The following RGS7BP variants were observed in gnomAD, a reference collection of about 807,000 sequenced individuals.
The protein encoded by RGS7BP is regulator of G protein signaling 7 binding protein.
Under a neutral mutation model 31.3 loss-of-function variants are expected in RGS7BP, and 9 were observed. The observed-to-expected ratio is 0.29, with a 90% CI of 0.17 to 0.50. The LOEUF (loss-of-function observed/expected upper bound fraction) is 0.50. RGS7BP is among the 20% of genes least tolerant of loss of function. The probability of loss-of-function intolerance (pLI) is 0.98; values close to 1 mark genes in which losing one functional copy is unlikely to be tolerated. For missense variants in RGS7BP, 274 were observed against 322.0 expected (o/e 0.85, Z 1.14); for synonymous variants, 115 against 120.1 (o/e 0.96, Z 0.28).
chr5:64,555,790 T>G (rs977032139), intron 2 of RGS7BP, among the ~76,000 whole-genome samples: 6 of 152,258 alleles, frequency 3.9e-5, no homozygotes, highest in African/African-American at 1.4e-4. Context: ...TTTAAAAACA[T>G]TCAGTTCTGG....
intron 2 of RGS7BP, among the ~76,000 whole-genome samples, chr5:64,542,076 C>G (rs192952757): frequency 1.4e-3 from 214 of 152,322 alleles, no homozygotes; most frequent in African/African-American, 4.9e-3. Context: ...TATCCTCTCT[C>G]TGTCTGTTCT....
chr5:64,574,631 C>T (rs1742375443), intron 2 of RGS7BP, among the ~76,000 whole-genome samples: 1 of 152,058 alleles, frequency 6.6e-6, no homozygotes, highest in South Asian at 2.1e-4. Flanking sequence ...TTATATAAGC[C>T]ATATGGTTAG....
Position 64,608,191 on chromosome 5 carries a change from G to T in RGS7BP, c.683-970G>T, listed in dbSNP as rs148233411. Among the ~76,000 whole-genome samples, 8 of 152,132 alleles carry T rather than the reference G, an allele frequency of 5.3e-5. No individual in the cohort carries two copies. The South Asian group carries it at 8.3e-4, about 16-fold the overall frequency. On this transcript the variant is annotated intron_variant, in intron 5 of 5. Transcript: ENST00000334025. ...CTGACCATGTCATAACACTGCCCCA[G>T]TTGGAAAATTCTAGATTATCCCCTC...
At chr5:64,515,733 C>T (rs915319986) in intron 2 of RGS7BP, among the ~76,000 whole-genome samples, 2 of 151,764 alleles carry the variant, frequency 1.3e-5, no homozygotes, top group East Asian at 3.8e-4. Flanking sequence ...CACACACACA[C>T]ATATAATGCA....
intron 2 of RGS7BP, 40 bp from the exon 3 acceptor site, chr5:64,575,719 CTGATGAGTGAAATCT>C (rs1742402056): frequency 3.2e-6 from 5 of 1,552,806 alleles, no homozygotes; most frequent in African/African-American, 2.8e-5. Flanking sequence ...AGACAAATGG[CTGATGAGTGAAATCT>C]TGAGAATGTT....
At chr5:64,511,671 C>T (rs920172834) in intron 2 of RGS7BP, among the ~76,000 whole-genome samples, 1 of 152,108 alleles carries the variant, frequency 6.6e-6, no homozygotes, top group Non-Finnish European at 1.5e-5. Context: ...GGCTCCATGG[C>T]ACTTTATATT....
intron 2 of RGS7BP, among the ~76,000 whole-genome samples, chr5:64,530,187 C>G (rs1320943690): frequency 6.6e-6 from 1 of 152,184 alleles, no homozygotes; most frequent in Non-Finnish European, 1.5e-5. Flanking sequence ...AACTTATCTA[C>G]TCATCTTTAC....
intron 2 of RGS7BP, among the ~76,000 whole-genome samples, chr5:64,545,362 T>C (rs1351734726): frequency 1.3e-5 from 2 of 151,560 alleles, no homozygotes; most frequent in African/African-American, 2.4e-5. Flanking sequence ...ATGTATAATA[T>C]GTAACAAACC....
At position 64,609,313 on chromosome 5, in the gene RGS7BP, TC is replaced by T; in HGVS notation, c.*63del. On this transcript the variant is annotated 3_prime_UTR_variant, in exon 6 of 6. Coordinates refer to ENST00000334025, the MANE Select transcript of RGS7BP (RefSeq NM_001029875.3). ...AAAAAAATCACAAAACCCGAGGACC[TC>T]CAGACAGCTGAACCACACAGTTATT... 1 of 914,718 alleles carries T rather than the reference TC, an allele frequency of 1.1e-6. No individual in the cohort carries two copies. Among genetic ancestry groups the T allele is most frequent in the African/African-American group, 1.6e-5 (1 of 61,560 alleles). 56.7% of individuals were successfully genotyped at this position (914,718 alleles called of 1,614,324 possible).
chr5:64,506,742 T>A lies in RGS7BP; in HGVS notation c.118T>A (p.Ser40Thr). 6.2e-7 allele frequency: 1 copy of A among 1,604,110 alleles called. No individual in the cohort carries two copies. The highest frequency in any genetic ancestry group is 8.5e-7 in the Non-Finnish European group (1 of 1,173,018). ...SGDWERRGSG[S>T]ESAHKTQRAL... ...AGATTGGGAGCGCAGGGGCAGCGGC[T>A]CCGAGAGCGCCCACAAAACCCAACG... Residue 40 changes from serine (S) to threonine (T), a missense_variant, in exon 1 of 6, where the codon TCC becomes ACC. Coordinates refer to ENST00000334025, the MANE Select transcript of RGS7BP (RefSeq NM_001029875.3). This position sits in a 1 kb window ranked among gnomAD's most constrained non-coding sequence, Gnocchi z 4.6.
intron 2 of RGS7BP, among the ~76,000 whole-genome samples, chr5:64,568,093 CAT>C (rs993453974): frequency 1.9e-4 from 29 of 151,620 alleles, no homozygotes; most frequent in Non-Finnish European, 2.9e-4. Context: ...TTTTAAAATA[CAT>C]ATATATATCT....
At chr5:64,522,022 G>A (rs1273363455) in intron 2 of RGS7BP, among the ~76,000 whole-genome samples, 1 of 152,188 alleles carries the variant, frequency 6.6e-6, no homozygotes, top group Non-Finnish European at 1.5e-5. Flanking sequence ...TTGGTGTTGT[G>A]ATAATCCTTA....
intron 2 of RGS7BP, among the ~76,000 whole-genome samples, chr5:64,574,241 G>A (rs1189659794): frequency 6.6e-6 from 1 of 152,000 alleles, no homozygotes; most frequent in African/African-American, 2.4e-5. Flanking sequence ...GACTGTGAAA[G>A]CTGAAGACGA....
intron 2 of RGS7BP, among the ~76,000 whole-genome samples, chr5:64,552,461 C>T (rs1268380145): frequency 6.6e-6 from 1 of 152,090 alleles, no homozygotes; most frequent in Non-Finnish European, 1.5e-5. Context: ...AGGGAATACT[C>T]TTTTCTTTTT....
chr5:64,546,497 A>G lies in RGS7BP; in HGVS notation c.333-29277A>G, dbSNP rs184082294. ...AAAATAGCCGAAAACAGTCCCTTACATTTAATAGCAAGGATATTAGGGACC... is the reference window on the plus strand; with the variant it reads ...AAAATAGCCGAAAACAGTCCCTTACGTTTAATAGCAAGGATATTAGGGACC... On this transcript the variant is annotated intron_variant, in intron 2 of 5. Coordinates refer to ENST00000334025, the MANE Select transcript of RGS7BP (RefSeq NM_001029875.3). Among the ~76,000 whole-genome samples the G allele has an allele frequency of 5.7e-3, 874 of 152,272 alleles. 4 individuals are homozygous for G. The highest frequency in any genetic ancestry group is 8.7e-3 in the Non-Finnish European group (591 of 68,034).
At chr5:64,588,121 A>T (rs1445138443) in intron 3 of RGS7BP, among the ~76,000 whole-genome samples, 1 of 152,242 alleles carries the variant, frequency 6.6e-6, no homozygotes. Context: ...GAGTCTGCAT[A>T]TTCATAAAAC....
intron 2 of RGS7BP, among the ~76,000 whole-genome samples, chr5:64,572,807 C>CTTT (rs373867967): frequency 6.9e-6 from 1 of 144,302 alleles, no homozygotes; most frequent in Non-Finnish European, 1.5e-5. Flanking sequence ...CTTGCCTTTT[C>CTTT]TTTTTTTTTT....
intron 2 of RGS7BP, among the ~76,000 whole-genome samples, chr5:64,568,781 T>TA (rs1742231035): frequency 8.7e-6 from 1 of 114,936 alleles, no homozygotes; most frequent in Non-Finnish European, 1.9e-5. Flanking sequence ...TGATGGTTAT[T>TA]GTTTTTTTTT....
intron 5 of RGS7BP, chr5:64,601,388 T>TC: frequency 1.2e-6 from 1 of 868,228 alleles, no homozygotes; most frequent in Non-Finnish European, 1.4e-6. Context: ...TCATATCTTC[T>TC]CCCCTTTCTA....
Sources: allele counts gnomAD v4.1 joint callset (sites outside exome capture counted in the v4.1 genomes callset), GRCh38; gene constraint gnomAD v4.1.1; non-coding constraint Gnocchi (gnomAD v3.1); transcripts MANE v1.5; gene names NCBI Gene and HGNC (gene_info 2026-07-23, HGNC 2026-07-21).